The following IL21R variants were observed in gnomAD, a reference collection of about 807,000 sequenced individuals.
The protein encoded by IL21R is interleukin 21 receptor, also known as interleukin-21 receptor.
IL21R carries 14 observed loss-of-function variants against 41.3 expected under a neutral mutation model. That is an observed-to-expected ratio of 0.34 (90% CI 0.22 to 0.53). The LOEUF is 0.53. Ranked by LOEUF, IL21R falls within the 20% of genes least tolerant of loss-of-function variation. The pLI is 0.94. For missense variants in IL21R, 588 were observed against 681.6 expected, an observed-to-expected ratio of 0.86 and a Z score of 1.53; for synonymous variants, 286 against 287.6, an observed-to-expected ratio of 0.99 and a Z score of 0.05.
intron 1 of IL21R, among the ~76,000 whole-genome samples, chr16:27,427,648 G>T (rs1039006133): frequency 6.6e-6 from 1 of 152,286 alleles, no homozygotes; most frequent in Admixed American, 6.5e-5. Flanking sequence ...TCTGGGCAAA[G>T]GAGTTTGCAC....
intron 1 of IL21R, among the ~76,000 whole-genome samples, chr16:27,403,454 G>T (rs528673148): frequency 1.3e-5 from 2 of 152,180 alleles, no homozygotes; most frequent in South Asian, 2.1e-4. Context: ...GTGATTCCCT[G>T]GGGGGAGAGT....
chr16:27,428,735 C>A (rs1252630820), intron 1 of IL21R, among the ~76,000 whole-genome samples: 1 of 152,232 alleles, frequency 6.6e-6, no homozygotes, highest in Non-Finnish European at 1.5e-5. Context: ...GAGGTTCCTT[C>A]TCCATCCTGG....
chr16:27,442,942 T>C lies in IL21R; in HGVS notation c.353-20T>C, dbSNP rs1596594339. 1 of 1,565,102 alleles carries C rather than the reference T, an allele frequency of 6.4e-7. No homozygotes were observed. The highest frequency in any genetic ancestry group is 1.7e-4 in the Middle Eastern group (1 of 5,872). ...AGCAAATTCTCACCCCATTTTCTTTTCCTGGGTTTTTCCACCAAGTCAAGC... is the reference window on the plus strand; with the variant it reads ...AGCAAATTCTCACCCCATTTTCTTTCCCTGGGTTTTTCCACCAAGTCAAGC... On this transcript the variant is annotated intron_variant, in intron 4 of 8. Coordinates refer to ENST00000337929, the MANE Select transcript of IL21R (RefSeq NM_181078.3).
chr16:27,444,650 C>T lies in IL21R; in HGVS notation c.616C>T (p.Pro206Ser), dbSNP rs2087446457. 1 of 1,581,538 alleles carries T rather than the reference C, an allele frequency of 6.3e-7. No individual in the cohort carries two copies. The highest frequency in any genetic ancestry group is 8.6e-7 in the Non-Finnish European group (1 of 1,164,228). ...YELQVRAGPM[P>S]GSSYQGTWSE... The stretch of plus-strand genomic sequence containing the variant: ...GCTGCAGGTGCGGGCAGGGCCCATG[C>T]CTGGCTCCTCCTACCAGGGGACCTG... The change falls in exon 6 of 9, where the codon CCT (proline) becomes TCT (serine). Residue 206 changes from proline (P) to serine (S), a missense_variant. Physicochemically the swap from Pro to Ser is moderately conservative, Grantham distance 74. Transcript: ENST00000337929.
In IL21R at chr16:27,437,744, C is replaced by A. The variant is rs2087299131; in HGVS notation, c.352+57C>A. Reference sequence around the variant, plus strand: ...GCACTCAATCTTAGCTCACCGCAGCCCTGACCTCTCTGGGCTCAGGTGATC... The same window carrying A: ...GCACTCAATCTTAGCTCACCGCAGCACTGACCTCTCTGGGCTCAGGTGATC... On this transcript the variant is annotated intron_variant, in intron 4 of 8. Coordinates refer to ENST00000337929, the MANE Select transcript of IL21R (RefSeq NM_181078.3). The A allele has an allele frequency of 1.9e-5, 27 of 1,430,840 alleles. No individual in the cohort carries two copies. In the South Asian group the frequency reaches 3.2e-4, roughly 17 times the overall value. The allele number at this position is 1,430,840 out of a possible 1,614,324, so 88.6% of individuals were successfully genotyped here.
chr16:27,446,801 C>T (rs1311401776), intron 8 of IL21R, among the ~76,000 whole-genome samples: 1 of 152,010 alleles, frequency 6.6e-6, no homozygotes, highest in Non-Finnish European at 1.5e-5. Flanking sequence ...TAACATTTGC[C>T]AAGCCTCCAA....
chr16:27,439,756 G>C (rs1596591102), intron 4 of IL21R, among the ~76,000 whole-genome samples: 3 of 152,120 alleles, frequency 2.0e-5, no homozygotes, highest in Non-Finnish European at 2.9e-5. Flanking sequence ...CTCCCTCCCT[G>C]CCAGGATCTG....
At chr16:27,411,909 T>TTC (rs1271552919) in intron 1 of IL21R, among the ~76,000 whole-genome samples, 1 of 152,254 alleles carries the variant, frequency 6.6e-6, no homozygotes, top group African/African-American at 2.4e-5. Context: ...CGTTGATTAT[T>TTC]TCCTCTGCTG....
In IL21R at chr16:27,435,368, C is replaced by T. The variant is rs960882470; in HGVS notation, c.152+919C>T. Reference sequence around the variant, plus strand: ...CAGGCCCCAGATGCCTTGGAACTGACGTACCACGGTGGGGCGGAGGCTGGG... The same window carrying T: ...CAGGCCCCAGATGCCTTGGAACTGATGTACCACGGTGGGGCGGAGGCTGGG... On this transcript the variant is annotated intron_variant, in intron 3 of 8. Coordinates refer to ENST00000337929, the MANE Select transcript of IL21R (RefSeq NM_181078.3). 6.6e-4 allele frequency among the ~76,000 whole-genome samples: 101 copies of T among 152,324 alleles called. 1 individual carries two copies. The highest frequency in any genetic ancestry group is 1.8e-3 in the African/African-American group (75 of 41,578).
chr16:27,438,161 C>G (rs1177928144), intron 4 of IL21R, among the ~76,000 whole-genome samples: 1 of 152,168 alleles, frequency 6.6e-6, no homozygotes, highest in African/African-American at 2.4e-5. Flanking sequence ...CTCTGCCCAT[C>G]TGTGTGACCA....
chr16:27,450,091 G>A lies in IL21R; in HGVS notation c.*808G>A, dbSNP rs995947016. 8.6e-6 allele frequency: 2 copies of A among 232,626 alleles called. No homozygotes were observed. Among genetic ancestry groups the A allele is most frequent in the East Asian group, 6.0e-5 (1 of 16,548 alleles). The allele number at this position is 232,626 out of a possible 1,614,324, so 14.4% of individuals were successfully genotyped here. ...CTTCCTTCCTTCTGCGGCCAGAGCC[G>A]AGGCGGGCGGGGGTGAGAACATCAA... is the stretch of plus-strand genomic sequence containing the variant. On this transcript the variant is annotated 3_prime_UTR_variant, in exon 9 of 9. Coordinates refer to ENST00000337929, the MANE Select transcript of IL21R (RefSeq NM_181078.3).
chr16:27,417,077 G>A (rs1310239638), intron 1 of IL21R, among the ~76,000 whole-genome samples: 1 of 151,726 alleles, frequency 6.6e-6, no homozygotes, highest in Non-Finnish European at 1.5e-5. Flanking sequence ...ATGTTGCTGT[G>A]AATATTTGTC....
chr16:27,406,170 G>A (rs2086742928), intron 1 of IL21R, among the ~76,000 whole-genome samples: 1 of 152,278 alleles, frequency 6.6e-6, no homozygotes, highest in Non-Finnish European at 1.5e-5. Flanking sequence ...GGCTGATGGG[G>A]GCTGCTGGGA....
intron 4 of IL21R, among the ~76,000 whole-genome samples, chr16:27,438,931 T>G (rs1433573953): frequency 4.0e-5 from 5 of 124,368 alleles, no homozygotes; most frequent in South Asian, 2.3e-4. Flanking sequence ...TTTGGCATGG[T>G]GTGTGTGTGT....
intron 1 of IL21R, among the ~76,000 whole-genome samples, chr16:27,410,197 G>A (rs1186384040): frequency 6.6e-6 from 1 of 151,612 alleles, no homozygotes; most frequent in Non-Finnish European, 1.5e-5. Flanking sequence ...TTAGCTGAGT[G>A]TGGTGGTGCA....
intron 1 of IL21R, among the ~76,000 whole-genome samples, chr16:27,414,362 T>C (rs1263970397): frequency 2.6e-5 from 4 of 152,154 alleles, no homozygotes; most frequent in African/African-American, 9.7e-5. Flanking sequence ...TTTCTAAATG[T>C]CATACTAACC....
intron 1 of IL21R, chr16:27,427,123 A>T (rs1301412094): frequency 5.9e-6 from 1 of 168,464 alleles, no homozygotes; most frequent in Non-Finnish European, 1.2e-5. Context: ...GACTGCTTTC[A>T]CTGGCCTTGC....
intron 1 of IL21R, among the ~76,000 whole-genome samples, chr16:27,418,801 A>G (rs2086949014): frequency 6.6e-6 from 1 of 152,106 alleles, no homozygotes; most frequent in African/African-American, 2.4e-5. Flanking sequence ...AGACACAAAC[A>G]CATTGTACAG....
intron 1 of IL21R, among the ~76,000 whole-genome samples, chr16:27,420,500 T>C (rs911290512): frequency 2.0e-5 from 3 of 152,222 alleles, no homozygotes; most frequent in African/African-American, 7.2e-5. Flanking sequence ...ATTATTACCA[T>C]CCTAATGCAT....
Sources: gnomAD v4.1 joint callset for allele counts (sites outside exome capture counted in the v4.1 genomes callset) on GRCh38, gnomAD v4.1.1 for gene constraint, MANE v1.5 for transcripts, NCBI Gene and HGNC (gene_info 2026-07-23, HGNC 2026-07-21) for gene names.